Variants in PCSK4 observed in about 807,000 individuals in gnomAD.
The protein encoded by PCSK4 is testicular tissue protein Li 135.
A neutral mutation model predicts 80.3 loss-of-function variants in PCSK4; 64 were observed. That is an observed-to-expected ratio of 0.80 (90% confidence interval 0.65 to 0.98). The LOEUF is 0.98. Ranked by LOEUF, PCSK4 falls within the 50% of genes least tolerant of loss-of-function variation. The pLI is 0.00. For missense variants in PCSK4, 1,213 were observed against 1,093.6 expected (o/e 1.11, Z -1.54); for synonymous variants, 561 against 487.6 (o/e 1.15, Z -1.98).
At chr19:1,483,048 G>A (rs1416946963) in intron 12 of PCSK4, 28 bp from the exon 13 acceptor site, 1 of 1,333,906 alleles carries the variant, frequency 7.5e-7, no homozygotes, top group Non-Finnish European at 1.0e-6. Context: ...GTGGGGGTGG[G>A]GGTGTCAAGA....
At chr19:1,486,144 T>G (rs2084594806) in intron 8 of PCSK4, among the ~76,000 whole-genome samples, 1 of 150,518 alleles carries the variant, frequency 6.6e-6, no homozygotes, top group African/African-American at 2.4e-5. Context: ...GGCTAATTTT[T>G]TTTTGTATTT....
exon 12 of PCSK4, chr19:1,483,417 C>T (rs1451389044): frequency 6.3e-7 from 1 of 1,599,850 alleles, no homozygotes; most frequent in Non-Finnish European, 8.5e-7. Context: ...TGGAGGCCGG[C>T]GCAGGCCGAT....
upstream of PCSK4, chr19:1,490,668 A>C: frequency 9.0e-6 from 3 of 332,724 alleles, no homozygotes; most frequent in South Asian, 9.2e-5. Flanking sequence ...CCCACTTTCC[A>C]ACACACCCCT....
upstream of PCSK4, chr19:1,490,764 C>G (rs1025903439): frequency 3.0e-5 from 6 of 199,452 alleles, no homozygotes; most frequent in African/African-American, 4.6e-5. Context: ...AGCCTCGCCC[C>G]GTTCCCGCCC....
exon 1 of PCSK4, chr19:1,490,372 C>T: frequency 4.4e-6 from 4 of 919,170 alleles, no homozygotes; most frequent in Non-Finnish European, 6.3e-6. Context: ...GCGGGGCCTG[C>T]GCAAATCCCC....
intron 2 of PCSK4, 94 bp downstream of exon 2, chr19:1,489,699 T>C: frequency 6.6e-7 from 1 of 1,522,408 alleles, no homozygotes; most frequent in East Asian, 2.5e-5. Context: ...CACACAGCTG[T>C]TCATAACAAC....
Position 1,483,877 on chromosome 19 carries a change from G to GGACGCCGGCCTC in PCSK4, c.1233_1234insGAGGCCGGCGTC (p.Leu411_Gln412insGluAlaGlyVal), listed in dbSNP as rs1263047003. 14 of 1,496,220 alleles carry GGACGCCGGCCTC rather than the reference G, an allele frequency of 9.4e-6. No homozygotes were observed. The Admixed American group carries it at 2.2e-4, about 24-fold the overall frequency. 92.7% of individuals were successfully genotyped at this position (1,496,220 alleles called of 1,614,324 possible). On this transcript the variant is annotated inframe_insertion, in exon 10 of 15. Coordinates refer to ENST00000300954, the Ensembl canonical transcript of PCSK4. Reference sequence around the variant, plus strand: ...CCGTTGGTCCTCCAGTCCTCGGCCTGCAGGTGCGCCGGCTTGGACGCGCGG... The same window carrying GGACGCCGGCCTC: ...CCGTTGGTCCTCCAGTCCTCGGCCTGGACGCCGGCCTCCAGGTGCGCCGGCTTGGACGCGCGG...
At chr19:1,487,148 ACAC>A in exon 7 of PCSK4, 1 of 1,604,872 alleles carries the variant, frequency 6.2e-7, no homozygotes, top group Non-Finnish European at 8.5e-7. Context: ...CACCTTGGTC[ACAC>A]CACGCCGGAA....
At chr19:1,489,491 C>A in intron 2 of PCSK4, 1 of 393,752 alleles carries the variant, frequency 2.5e-6, no homozygotes, top group South Asian at 3.5e-5. Flanking sequence ...CCCTCCATCC[C>A]ATGACCTAGA....
chr19:1,484,152 C>CG, intron 8 of PCSK4, 25 bp from the exon 9 acceptor site: 2 of 1,346,102 alleles, frequency 1.5e-6, no homozygotes, highest in Non-Finnish European at 2.1e-6. Flanking sequence ...GGGTGGGACT[C>CG]GGGGGGCCGT....
At chr19:1,487,434 A>G in intron 6 of PCSK4, 121 bp from the exon 7 acceptor site, 1 of 1,007,756 alleles carries the variant, frequency 9.9e-7, no homozygotes, top group Non-Finnish European at 1.4e-6. Context: ...TGCTCCCTGG[A>G]GTGGGACCAT....
intron 7 of PCSK4, 26 bp from the exon 8 acceptor site, chr19:1,487,091 G>A (rs1276891177): frequency 3.1e-6 from 5 of 1,602,092 alleles, no homozygotes; most frequent in Non-Finnish European, 4.2e-6. Flanking sequence ...GGGCGGGGAG[G>A]GGGCGTCGGC....
At chr19:1,487,408 ACCTGGGC>A in intron 6 of PCSK4, 95 bp from the exon 7 acceptor site, 1 of 1,107,640 alleles carries the variant, frequency 9.0e-7, no homozygotes, top group African/African-American at 1.6e-5. Flanking sequence ...CCCCAGCCCT[ACCTGGGC>A]CCTCTCTCTG....
exon 2 of PCSK4, chr19:1,489,864 G>A: frequency 6.2e-7 from 1 of 1,610,312 alleles, no homozygotes; most frequent in African/African-American, 1.3e-5. Flanking sequence ...ACGCCCCGGT[G>A]CCGCAGGTGA....
intron 2 of PCSK4, among the ~76,000 whole-genome samples, chr19:1,489,220 C>G (rs2145437342): frequency 6.6e-6 from 1 of 152,088 alleles, no homozygotes; most frequent in Non-Finnish European, 1.5e-5. Flanking sequence ...CAAGCTCCGC[C>G]TCCCGGGTTC....
rs186026574 is a variant in PCSK4 at position 1,488,263 on chromosome 19, C to T, written c.312G>A (p.Gln104=). Residue 104 remains glutamine, a synonymous_variant, in exon 3 of 15, where the codon CAG becomes CAA. Coordinates refer to ENST00000300954, the Ensembl canonical transcript of PCSK4. ...GTTTCACCCGCCGCTGCAGCGTCTGCTGCTGGAACCACTGCACCTGCAGAG... is the reference window on the plus strand; with the variant it reads ...GTTTCACCCGCCGCTGCAGCGTCTGTTGCTGGAACCACTGCACCTGCAGAG... 8 of 1,613,230 alleles carry T rather than the reference C, an allele frequency of 5.0e-6. No homozygotes were observed. The East Asian group carries it at 1.8e-4, about 36-fold the overall frequency.
exon 15 of PCSK4, chr19:1,481,524 T>G: frequency 6.5e-5 from 26 of 399,478 alleles, no homozygotes; most frequent in East Asian, 7.3e-5. Flanking sequence ...TCCCCTGGCT[T>G]TTGGGGTGCT....
At chr19:1,482,383 C>T in exon 14 of PCSK4, 2 of 1,554,648 alleles carry the variant, frequency 1.3e-6, no homozygotes, top group Non-Finnish European at 1.7e-6. Flanking sequence ...TCCCGCTGCA[C>T]ACACGCGCTG....
intron 8 of PCSK4, 44 bp from the exon 9 acceptor site, chr19:1,484,171 A>T: frequency 1.9e-6 from 2 of 1,079,092 alleles, no homozygotes; most frequent in South Asian, 1.3e-5. Context: ...GTGCACAGTG[A>T]GAATACAGCC....
Sources: gnomAD v4.1 joint callset for allele counts (sites outside exome capture counted in the v4.1 genomes callset) on GRCh38, gnomAD v4.1.1 for gene constraint, MANE v1.5 for transcripts, NCBI Gene and HGNC (gene_info 2026-07-23, HGNC 2026-07-21) for gene names.